FAM117B: variants seen among roughly 807,000 people sequenced by gnomAD.
The protein encoded by FAM117B is protein FAM117B.
Under a neutral mutation model 52.8 loss-of-function variants are expected in FAM117B, and 22 were observed. The ratio of observed to expected loss-of-function variants is 0.42; its 90% confidence interval spans 0.30 to 0.59. The LOEUF (loss-of-function observed/expected upper bound fraction) is 0.59, where lower values mean the gene tolerates loss of function less well. FAM117B is among the 20% of genes least tolerant of loss of function. The probability of loss-of-function intolerance (pLI) is 0.22; values close to 1 mark genes in which losing one functional copy is unlikely to be tolerated. For synonymous variants in FAM117B, 309 were observed against 324.1 expected, an observed-to-expected ratio of 0.95 and a Z score of 0.50; for missense variants, 678 against 802.6, an observed-to-expected ratio of 0.84 and a Z score of 1.88.
chr2:202,759,112 CT>C (rs1691843674), intron 6 of FAM117B, 120 bp from the exon 7 acceptor site: 11 of 994,434 alleles, frequency 1.1e-5, no homozygotes, highest in Non-Finnish European at 1.6e-5. Flanking sequence ...CATTAATTAT[CT>C]CCTTGATTAA....
At chr2:202,655,580 G>A (rs1270201299) in intron 1 of FAM117B, among the ~76,000 whole-genome samples, 1 of 152,074 alleles carries the variant, frequency 6.6e-6, no homozygotes, top group African/African-American at 2.4e-5. Flanking sequence ...TATAAAATGA[G>A]TTGAGAAGTG....
chr2:202,659,060 G>C (rs1481328192), intron 1 of FAM117B, among the ~76,000 whole-genome samples: 6 of 151,846 alleles, frequency 4.0e-5, no homozygotes, highest in Non-Finnish European at 8.8e-5. Context: ...AGGCTGGAGT[G>C]CAGTGGCATG....
intron 1 of FAM117B, among the ~76,000 whole-genome samples, chr2:202,690,866 A>C (rs538205544): frequency 1.3e-5 from 2 of 152,272 alleles, no homozygotes; most frequent in South Asian, 4.1e-4. Flanking sequence ...TTTTCCTCCC[A>C]TAACCTCCTT....
rs375944131 is a variant in FAM117B at position 202,755,554 on chromosome 2, G to A, written c.977G>A (p.Ser326Asn). The change falls in exon 5 of 8, where the codon AGT becomes AAT. Residue 326 changes from serine (S) to asparagine (N), a missense_variant. By Grantham distance (46) the Ser-to-Asn change is conservative. Coordinates refer to ENST00000392238, the MANE Select transcript of FAM117B (RefSeq NM_173511.4). ...TTTCTTAAGGCTCCTGTTCCAAAGA[G>A]TGCACTTATTCCTGTAATTCCCATC... The part of the protein sequence containing the change: ...INQCQAPVPK[S>N]ALIPVIPITK... 2.7e-5 allele frequency: 44 copies of A among 1,613,900 alleles called. No homozygotes were observed. The highest frequency in any genetic ancestry group is 3.6e-5 in the Non-Finnish European group (42 of 1,179,940).
chr2:202,723,018 A>G (rs1691178625), intron 2 of FAM117B, among the ~76,000 whole-genome samples: 1 of 152,208 alleles, frequency 6.6e-6, no homozygotes, highest in Admixed American at 6.5e-5. Context: ...TAAGTACAGT[A>G]GGGGTCACCT....
chr2:202,757,147 T>A (rs2105799767), intron 5 of FAM117B, 66 bp from the exon 6 acceptor site: 2 of 1,465,688 alleles, frequency 1.4e-6, no homozygotes, highest in East Asian at 4.9e-5. Context: ...AGGTTGACAT[T>A]GGGTTCATTG....
chr2:202,748,040 C>T (rs902647771), intron 4 of FAM117B, among the ~76,000 whole-genome samples: 6 of 152,162 alleles, frequency 3.9e-5, no homozygotes, highest in African/African-American at 1.2e-4. Context: ...CTAGAGGCAT[C>T]ATACTACCTG....
intron 4 of FAM117B, among the ~76,000 whole-genome samples, chr2:202,735,564 TAG>T (rs902278514): frequency 5.3e-5 from 8 of 152,338 alleles, no homozygotes; most frequent in Admixed American, 5.2e-4. Context: ...TTCTTAGAGC[TAG>T]AGTCTTTCAC....
chr2:202,751,930 T>C (rs1254968495), intron 4 of FAM117B, among the ~76,000 whole-genome samples: 1 of 152,102 alleles, frequency 6.6e-6, no homozygotes, highest in African/African-American at 2.4e-5. Context: ...CTTAAAATTT[T>C]CTTTCCTTTG....
At chr2:202,691,673 G>GTGTGTA (rs1690628451) in intron 1 of FAM117B, among the ~76,000 whole-genome samples, 1 of 149,934 alleles carries the variant, frequency 6.7e-6, no homozygotes, top group South Asian at 2.1e-4. Flanking sequence ...GTGTGTGTGT[G>GTGTGTA]TGTGTGTGTG....
intron 1 of FAM117B, among the ~76,000 whole-genome samples, chr2:202,692,818 A>G (rs1247209973): frequency 6.6e-6 from 1 of 152,168 alleles, no homozygotes; most frequent in Non-Finnish European, 1.5e-5. Context: ...TGCTGTGTGT[A>G]CTTAATTCTG....
At position 202,638,450 on chromosome 2, in the gene FAM117B, C is replaced by G. The variant is rs1689719284; in HGVS notation, c.601+2662C>G. On this transcript the variant is annotated intron_variant, in intron 1 of 7. Transcript: ENST00000392238. Reference sequence around the variant, plus strand: ...TCTTTTTCTCTGATCTCTAGGAGGGCTCTATTTCCTGGGATGTCAGGCTAC... The same window carrying G: ...TCTTTTTCTCTGATCTCTAGGAGGGGTCTATTTCCTGGGATGTCAGGCTAC... Among the ~76,000 whole-genome samples the G allele has an allele frequency of 5.3e-5, 8 of 152,248 alleles. No individual in the cohort carries two copies. In the South Asian group the frequency reaches 1.5e-3, roughly 28 times the overall value.
At chr2:202,642,199 C>T (rs1362207648) in intron 1 of FAM117B, among the ~76,000 whole-genome samples, 2 of 149,918 alleles carry the variant, frequency 1.3e-5, no homozygotes, top group African/African-American at 2.4e-5. Context: ...GTGATCTGTC[C>T]GCCTCGGCCT....
In FAM117B at chr2:202,706,456, A is replaced by G. The variant is rs59615495; in HGVS notation, c.753+10424A>G. Among the ~76,000 whole-genome samples, 1,332 of 152,326 alleles carry G rather than the reference A, an allele frequency of 8.7e-3. 20 individuals are homozygous for G. The highest frequency in any genetic ancestry group is 0.03 in the African/African-American group (1,239 of 41,580). On this transcript the variant is annotated intron_variant, in intron 2 of 7. Coordinates refer to ENST00000392238, the MANE Select transcript of FAM117B (RefSeq NM_173511.4). ...TTTATGGAAAAGTTCTGAGTTTTCC[A>G]GTTTATGGAAAAGATCTGAATTCAG...
At chr2:202,746,913 A>G (rs2105795821) in intron 4 of FAM117B, among the ~76,000 whole-genome samples, 1 of 151,826 alleles carries the variant, frequency 6.6e-6, no homozygotes, top group Non-Finnish European at 1.5e-5. Context: ...ATTACCCTGT[A>G]CCAAAACCAG....
Position 202,675,240 on chromosome 2 carries a change from C to A in FAM117B, c.602-20641C>A, listed in dbSNP as rs550830254. On this transcript the variant is annotated intron_variant, in intron 1 of 7. Transcript: ENST00000392238. ...GACCCTGTCTCTTAAAAAAAAAAAA[C>A]AACAACAAAAAGCCTGAGCAACAGG... is the stretch of plus-strand genomic sequence containing the variant. Among the ~76,000 whole-genome samples the A allele has an allele frequency of 2.1e-3, 315 of 149,390 alleles. 1 individual carries two copies. Among genetic ancestry groups the A allele is most frequent in the African/African-American group, 7.4e-3 (304 of 40,816 alleles).
At chr2:202,673,923 G>A (rs1479493135) in intron 1 of FAM117B, among the ~76,000 whole-genome samples, 4 of 152,034 alleles carry the variant, frequency 2.6e-5, no homozygotes, top group Non-Finnish European at 5.9e-5. Flanking sequence ...TACATGATGG[G>A]TGTTTTGTAT....
intron 7 of FAM117B, among the ~76,000 whole-genome samples, 197 bp from the exon 8 acceptor site, chr2:202,765,249 T>C (rs1374811164): frequency 6.6e-6 from 1 of 152,080 alleles, no homozygotes; most frequent in Non-Finnish European, 1.5e-5. Context: ...AAGATACATA[T>C]GTTGAATCAT....
At chr2:202,676,409 C>T (rs972859642) in intron 1 of FAM117B, among the ~76,000 whole-genome samples, 5 of 144,484 alleles carry the variant, frequency 3.5e-5, no homozygotes, top group Admixed American at 2.1e-4. Context: ...GATGGAGTTT[C>T]GCTCTTGTTG....
Sources: allele counts gnomAD v4.1 joint callset (sites outside exome capture counted in the v4.1 genomes callset), GRCh38; gene constraint gnomAD v4.1.1; transcripts MANE v1.5; gene names NCBI Gene and HGNC (gene_info 2026-07-23, HGNC 2026-07-21).